Variants in TMX3 observed in about 807,000 individuals in gnomAD.
The protein encoded by TMX3 is protein disulfide-isomerase TMX3.
In TMX3, 40 loss-of-function variants were observed where a neutral mutation model predicts 64.4. The observed-to-expected ratio is 0.62, with a 90% CI of 0.48 to 0.81. The LOEUF (loss-of-function observed/expected upper bound fraction) is 0.81. Ranked by LOEUF, TMX3 falls within the 30% of genes least tolerant of loss-of-function variation. The probability of loss-of-function intolerance (pLI) is 0.00; values close to 1 mark genes in which losing one functional copy is unlikely to be tolerated. For missense variants in TMX3, 497 were observed against 534.5 expected (o/e 0.93, Z 0.69); for synonymous variants, 189 against 175.7 (o/e 1.08, Z -0.60).
At chr18:68,700,594 G>A in intron 5 of TMX3, 109 bp from the exon 6 acceptor site, 1 of 1,029,564 alleles carries the variant, frequency 9.7e-7, no homozygotes, top group South Asian at 2.7e-5. Flanking sequence ...AATAGTAAAT[G>A]CAGAGAAGTT....
intron 7 of TMX3, 137 bp downstream of exon 7, chr18:68,697,795 A>G (rs371849994): frequency 7.0e-6 from 4 of 573,082 alleles, no homozygotes; most frequent in East Asian, 2.9e-5. Flanking sequence ...TGTTTTTATT[A>G]TAAGAAATGC....
rs144059283 is a variant in TMX3, at chr18:68,675,496, C to A, written c.*1437G>T. 1.3e-5 allele frequency: 2 copies of A among 152,206 alleles called. No individual in the cohort carries two copies. The highest frequency in any genetic ancestry group is 4.8e-5 in the African/African-American group (2 of 41,546). The allele number at this position is 152,206 out of a possible 1,614,324, so 9.4% of individuals were successfully genotyped here. ...GTCTTGATTAGTACGGCATTAGAAA[C>A]AACAGAGGGCTGTCCTTGATGACTA... On this transcript the variant is annotated 3_prime_UTR_variant, in exon 16 of 16. Coordinates refer to ENST00000299608, the MANE Select transcript of TMX3 (RefSeq NM_019022.5).
intron 5 of TMX3, among the ~76,000 whole-genome samples, chr18:68,701,377 A>G (rs2030043864): frequency 6.6e-6 from 1 of 152,132 alleles, no homozygotes; most frequent in Non-Finnish European, 1.5e-5. Flanking sequence ...TGTACACTTT[A>G]TTAGACTTGA....
chr18:68,697,297 A>T lies in TMX3; in HGVS notation c.499T>A (p.Tyr167Asn). 1 of 1,554,874 alleles carries T rather than the reference A, an allele frequency of 6.4e-7. No homozygotes were observed. Among genetic ancestry groups the T allele is most frequent in the Non-Finnish European group, 8.7e-7 (1 of 1,146,682 alleles). ...ATCAATTCTGAAGCAGCATCTATGTATTTCTCCTATGAAGATACAAACAGA... is the reference window on the plus strand; with the variant it reads ...ATCAATTCTGAAGCAGCATCTATGTTTTTCTCCTATGAAGATACAAACAGA... ...VGGESPLKEK[Y>N]IDAASELIVY... is the part of the protein sequence containing the mutation. The change falls in exon 8 of 16, where the codon TAC becomes AAC. Residue 167 changes from tyrosine to asparagine, a missense_variant. Physicochemically the swap from Tyr to Asn is moderately radical, Grantham distance 143. Coordinates refer to ENST00000299608, the MANE Select transcript of TMX3 (RefSeq NM_019022.5).
intron 15 of TMX3, 41 bp downstream of exon 15, chr18:68,679,422 T>C (rs1171776277): frequency 7.2e-6 from 11 of 1,521,706 alleles, no homozygotes; most frequent in Non-Finnish European, 9.9e-6. Flanking sequence ...AAAGAACCTA[T>C]ATCTTCTTCA....
intron 1 of TMX3, 26 bp downstream of exon 1, chr18:68,714,910 C>G: frequency 6.4e-7 from 1 of 1,551,080 alleles, no homozygotes; most frequent in Non-Finnish European, 8.7e-7. Flanking sequence ...CGCCCGCCAG[C>G]GTCCCGACCG....
intron 3 of TMX3, 26 bp from the exon 4 acceptor site, chr18:68,710,170 A>C (rs1182849915): frequency 6.7e-7 from 1 of 1,501,876 alleles, no homozygotes; most frequent in South Asian, 1.4e-5. Context: ...CAAACAACAA[A>C]CAAAAAAAGA....
At chr18:68,707,684 C>A (rs1216734623) in intron 4 of TMX3, among the ~76,000 whole-genome samples, 1 of 152,146 alleles carries the variant, frequency 6.6e-6, no homozygotes. Context: ...CAAGTGATCA[C>A]AGCAATTTGC....
intron 10 of TMX3, 96 bp from the exon 11 acceptor site, chr18:68,684,581 T>A: frequency 1.0e-6 from 1 of 1,002,820 alleles, no homozygotes; most frequent in South Asian, 1.4e-5. Context: ...AGTAAAGTAT[T>A]TCTAGAATTT....
intron 4 of TMX3, among the ~76,000 whole-genome samples, chr18:68,707,999 ATATATATGTG>A (rs2030868662): frequency 5.5e-5 from 8 of 146,032 alleles, no homozygotes; most frequent in African/African-American, 2.2e-4. Flanking sequence ...ATATATGTGT[ATATATATGTG>A]TATATGTGTA....
At chr18:68,700,514 G>T (rs2145096076) in intron 5 of TMX3, 29 bp from the exon 6 acceptor site, 5 of 1,348,028 alleles carry the variant, frequency 3.7e-6, no homozygotes, top group South Asian at 2.9e-5. Context: ...ATTAAAACCT[G>T]GATTGTTCTA....
intron 4 of TMX3, among the ~76,000 whole-genome samples, chr18:68,702,354 C>T (rs2030189085): frequency 6.7e-6 from 1 of 149,388 alleles, no homozygotes. Flanking sequence ...TTTGTGATAA[C>T]CTAGAGTAAT....
intron 4 of TMX3, among the ~76,000 whole-genome samples, chr18:68,708,702 C>T (rs983396808): frequency 2.6e-5 from 4 of 152,120 alleles, no homozygotes; most frequent in African/African-American, 9.7e-5. Flanking sequence ...ATTGCCTTCA[C>T]AAAAATGTGT....
chr18:68,696,094 T>C (rs1027371276), intron 8 of TMX3, among the ~76,000 whole-genome samples: 3 of 152,224 alleles, frequency 2.0e-5, no homozygotes, highest in African/African-American at 7.2e-5. Context: ...CAAACATTTC[T>C]TGACCAATCA....
At chr18:68,706,221 C>A (rs2030647211) in intron 4 of TMX3, 1 of 152,232 alleles carries the variant, frequency 6.6e-6, no homozygotes, top group South Asian at 2.1e-4. Context: ...ACCAGCCTGG[C>A]TAACATGGTG....
rs1352581337 is a variant in TMX3, at chr18:68,700,317, A to G, written c.392+88T>C. 3 of 929,464 alleles carry G rather than the reference A, an allele frequency of 3.2e-6. No individual in the cohort carries two copies. In the African/African-American group the frequency reaches 5.3e-5, roughly 16 times the overall value. 57.6% of individuals were successfully genotyped at this position (929,464 alleles called of 1,614,324 possible). On this transcript the variant is annotated intron_variant, in intron 6 of 15. Transcript: ENST00000299608. ...TAAATTTTACCTAGGTATGTCCTTA[A>G]AATATGTTTGTTCAATACAGTCTAT... is the stretch of plus-strand genomic sequence containing the variant.
In TMX3 at chr18:68,687,730, T is replaced by C; in HGVS notation, c.673A>G (p.Arg225Gly). 1 of 1,612,442 alleles carries C rather than the reference T, an allele frequency of 6.2e-7. No homozygotes were observed. Among genetic ancestry groups the C allele is most frequent in the Non-Finnish European group, 8.5e-7 (1 of 1,179,296 alleles). The change falls in exon 10 of 16, where the codon AGG becomes GGG. Residue 225 changes from arginine to glycine, a missense_variant. Arg to Gly is a moderately radical substitution (Grantham distance 125). Coordinates refer to ENST00000299608, the MANE Select transcript of TMX3 (RefSeq NM_019022.5). ...EDGDLSSWIN[R>G]ERFQNYLAMD... ...GCAAGGTAATTCTGAAACCTTTCCC[T>C]GTTGATCCATGATGACAGATCACCA...
At chr18:68,686,677 A>G (rs1027730957) in intron 10 of TMX3, 78 of 968,980 alleles carry the variant, frequency 8.0e-5, no homozygotes, top group Non-Finnish European at 9.6e-5. Flanking sequence ...ACTGCACTCC[A>G]GCCTGGCGAC....
chr18:68,701,549 AAAC>A, intron 5 of TMX3, 193 bp downstream of exon 5: 4 of 1,328,602 alleles, frequency 3.0e-6, no homozygotes, highest in East Asian at 2.9e-5. Context: ...AATTAGCCAT[AAAC>A]AACATGATTG....
Sources: gnomAD v4.1 joint callset for allele counts (sites outside exome capture counted in the v4.1 genomes callset) on GRCh38, gnomAD v4.1.1 for gene constraint, MANE v1.5 for transcripts, NCBI Gene and HGNC (gene_info 2026-07-23, HGNC 2026-07-21) for gene names.